CNDP1: variants seen among roughly 807,000 people sequenced by gnomAD.
The protein encoded by CNDP1 is beta-Ala-His dipeptidase.
Under a neutral mutation model 58.1 loss-of-function variants are expected in CNDP1, and 44 were observed. The ratio of observed to expected loss-of-function variants is 0.76; its 90% CI spans 0.60 to 0.97. The LOEUF (loss-of-function observed/expected upper bound fraction) is 0.97. Ranked by LOEUF, CNDP1 falls within the 50% of genes least tolerant of loss-of-function variation. The pLI is 0.00. For missense variants in CNDP1, 616 were observed against 655.1 expected, an observed-to-expected ratio of 0.94 and a Z score of 0.65; for synonymous variants, 254 against 252.6, an observed-to-expected ratio of 1.01 and a Z score of -0.05.
At chr18:74,575,893 G>A (rs1981624424) in intron 7 of CNDP1, among the ~76,000 whole-genome samples, 4 of 128,178 alleles carry the variant, frequency 3.1e-5, no homozygotes, top group South Asian at 5.2e-4. Context: ...TTTTTGAGAC[G>A]GAGTCTCGCT....
intron 9 of CNDP1, among the ~76,000 whole-genome samples, chr18:74,579,167 C>G (rs1443591337): frequency 6.9e-6 from 1 of 145,910 alleles, no homozygotes; most frequent in Non-Finnish European, 1.5e-5. Context: ...TCCTCCCTCT[C>G]TCCCTTCTCC....
intron 7 of CNDP1, 71 bp from the exon 8 acceptor site, chr18:74,576,798 G>A: frequency 6.9e-7 from 1 of 1,443,508 alleles, no homozygotes; most frequent in Non-Finnish European, 9.4e-7. Context: ...TCCTCCCACA[G>A]TCTGGCTCCA....
intron 1 of CNDP1, among the ~76,000 whole-genome samples, chr18:74,538,539 C>T (rs1329878988): frequency 6.6e-6 from 1 of 152,196 alleles, no homozygotes; most frequent in African/African-American, 2.4e-5. Flanking sequence ...TTTCATTCCT[C>T]CAGGGTGTGT....
chr18:74,550,978 C>G (rs1980890390), intron 1 of CNDP1, among the ~76,000 whole-genome samples: 2 of 152,026 alleles, frequency 1.3e-5, no homozygotes, highest in South Asian at 4.2e-4. Flanking sequence ...GGATACGTGT[C>G]CCCGCCTAAC....
In CNDP1 at chr18:74,560,886, C is replaced by G. The variant is rs1981175648; in HGVS notation, c.334C>G (p.Pro112Ala). ...CGATGGTCAGAGTCTTCCAATACCT[C>G]CCGTCATCCTGGCCGAACTGGGGAG... ...LPDGQSLPIP[P>A]VILAELGSDP... is the part of the protein sequence containing the mutation. The change falls in exon 4 of 12, where the codon CCC (proline) becomes GCC (alanine). Residue 112 changes from proline (P) to alanine (A), a missense_variant. Coordinates refer to ENST00000358821, the MANE Select transcript of CNDP1 (RefSeq NM_032649.6). 2 of 1,614,110 alleles carry G rather than the reference C, an allele frequency of 1.2e-6. No homozygotes were observed. The highest frequency in any genetic ancestry group is 1.7e-6 in the Non-Finnish European group (2 of 1,179,988).
intron 1 of CNDP1, among the ~76,000 whole-genome samples, chr18:74,547,541 C>A (rs1980793386): frequency 6.6e-6 from 1 of 152,254 alleles, no homozygotes; most frequent in Non-Finnish European, 1.5e-5. Flanking sequence ...TTTAGGGATG[C>A]CTGCTCCTTT....
intron 1 of CNDP1, among the ~76,000 whole-genome samples, chr18:74,542,118 T>C (rs1271108350): frequency 2.0e-5 from 3 of 152,190 alleles, no homozygotes; most frequent in Non-Finnish European, 1.5e-5. Flanking sequence ...ACAGTTTGCC[T>C]GGGGCGGTCT....
Position 74,584,908 on chromosome 18 carries a change from T to C in CNDP1, c.*346T>C, listed in dbSNP as rs191500538. 116 of 199,602 alleles carry C rather than the reference T, an allele frequency of 5.8e-4. No homozygotes were observed. Among genetic ancestry groups the C allele is most frequent in the African/African-American group, 2.2e-3 (98 of 43,928 alleles). 12.4% of individuals were successfully genotyped at this position (199,602 alleles called of 1,614,324 possible). ...GATTGGCATAATCACTCCAGTTTGC[T>C]TTCTAGGTCCTCAAGTGCTCGTGAC... On this transcript the variant is annotated 3_prime_UTR_variant, in exon 12 of 12. Coordinates refer to ENST00000358821, the MANE Select transcript of CNDP1 (RefSeq NM_032649.6).
chr18:74,586,460 A>G lies in CNDP1; in HGVS notation c.*1898A>G, dbSNP rs1981916558. 6.6e-6 allele frequency: 1 copy of G among 152,228 alleles called. No homozygotes were observed. Among genetic ancestry groups the G allele is most frequent in the Non-Finnish European group, 1.5e-5 (1 of 68,046 alleles). The allele number at this position is 152,228 out of a possible 1,614,324, so 9.4% of individuals were successfully genotyped here. On this transcript the variant is annotated 3_prime_UTR_variant, in exon 12 of 12. Transcript: ENST00000358821. ...AGATTTAGAGTCTTCATGTTAGTCCATTAACATAAGTTTATTATAAAATAC... is the reference window on the plus strand; with the variant it reads ...AGATTTAGAGTCTTCATGTTAGTCCGTTAACATAAGTTTATTATAAAATAC...
Position 74,584,549 on chromosome 18 carries a change from C to T in CNDP1, c.1511C>T (p.Ala504Val), listed in dbSNP as rs748932424. 4 of 1,613,098 alleles carry T rather than the reference C, an allele frequency of 2.5e-6. No homozygotes were observed. The highest frequency in any genetic ancestry group is 3.4e-6 in the Non-Finnish European group (4 of 1,179,192). Residue 504 changes from alanine to valine, a missense_variant, in exon 12 of 12, where the codon GCC becomes GTC. By Grantham distance (64) the Ala-to-Val change is moderately conservative. Coordinates refer to ENST00000358821, the MANE Select transcript of CNDP1 (RefSeq NM_032649.6). The part of the protein sequence containing the change: ...KLFAAFFLEM[A>V]QLH ...TTTGCTGCCTTTTTCTTAGAGATGGCCCAGCTCCATTAATCACAAGAACCT... is the reference window on the plus strand; with the variant it reads ...TTTGCTGCCTTTTTCTTAGAGATGGTCCAGCTCCATTAATCACAAGAACCT...
At position 74,586,061 on chromosome 18, in the gene CNDP1, G is replaced by A. The variant is rs1351638373; in HGVS notation, c.*1499G>A. On this transcript the variant is annotated 3_prime_UTR_variant, in exon 12 of 12. Coordinates refer to ENST00000358821, the MANE Select transcript of CNDP1 (RefSeq NM_032649.6). ...TTCAACTTTTTTCCATCACTCTGTT[G>A]GTTCTTGAGATGTCAGTGTCAGTTT... 6.6e-6 allele frequency: 1 copy of A among 151,014 alleles called. No individual in the cohort carries two copies. Among genetic ancestry groups the A allele is most frequent in the East Asian group, 1.9e-4 (1 of 5,162 alleles). 9.4% of individuals were successfully genotyped at this position (151,014 alleles called of 1,614,324 possible). A position where few individuals can be genotyped will look rare whatever the true frequency, so the allele number is the denominator to read the frequency against.
chr18:74,580,082 G>A lies in CNDP1; in HGVS notation c.1168-48G>A, dbSNP rs973239103. Reference sequence around the variant, plus strand: ...ATGGAAGACTATATTAACTGTATGAGAGAATAACTTGACACTTTCTCTTAT... The same window carrying A: ...ATGGAAGACTATATTAACTGTATGAAAGAATAACTTGACACTTTCTCTTAT... On this transcript the variant is annotated intron_variant, in intron 9 of 11. Coordinates refer to ENST00000358821, the MANE Select transcript of CNDP1 (RefSeq NM_032649.6). 3.9e-6 allele frequency: 6 copies of A among 1,548,382 alleles called. No homozygotes were observed. In the African/African-American group the frequency reaches 8.1e-5, roughly 21 times the overall value.
intron 11 of CNDP1, 105 bp downstream of exon 11, chr18:74,583,813 T>C (rs1981848553): frequency 4.4e-6 from 5 of 1,142,956 alleles, no homozygotes. Context: ...GAATGGAAAA[T>C]CGTCCAGACT....
At chr18:74,567,961 A>T (rs1295454983) in intron 6 of CNDP1, among the ~76,000 whole-genome samples, 2 of 152,260 alleles carry the variant, frequency 1.3e-5, no homozygotes, top group East Asian at 3.9e-4. Flanking sequence ...TTGGTTTCCC[A>T]CCTTGAAAGA....
chr18:74,564,135 G>A (rs527406901), intron 5 of CNDP1, among the ~76,000 whole-genome samples: 9 of 152,112 alleles, frequency 5.9e-5, no homozygotes, highest in South Asian at 2.1e-4. Context: ...ACATAATCCC[G>A]TGCTCATGTT....
rs1981929746 is a variant in CNDP1, at chr18:74,587,008, T to G, written c.*2446T>G. 6.6e-6 allele frequency: 1 copy of G among 152,202 alleles called. No homozygotes were observed. The highest frequency in any genetic ancestry group is 1.5e-5 in the Non-Finnish European group (1 of 68,032). 9.4% of individuals were successfully genotyped at this position (152,202 alleles called of 1,614,324 possible). ...TTGGGCGTACATTGTGGCATGCCCA[T>G]CAGGGGGACTTTGTTGTATTGGAGG... On this transcript the variant is annotated 3_prime_UTR_variant, in exon 12 of 12. Transcript: ENST00000358821.
chr18:74,539,467 G>A (rs34874693), intron 1 of CNDP1, among the ~76,000 whole-genome samples: 2,783 of 152,308 alleles, frequency 0.018, 36 homozygotes, highest in Non-Finnish European at 0.03. Flanking sequence ...AGCAAATGCC[G>A]GAGGGAGCTA....
chr18:74,565,546 A>G (rs1281151075), intron 5 of CNDP1, among the ~76,000 whole-genome samples: 1 of 152,218 alleles, frequency 6.6e-6, no homozygotes, highest in Non-Finnish European at 1.5e-5. Flanking sequence ...AAGGGGTTAC[A>G]GTGTCCATGC....
chr18:74,557,998 C>T (rs1297846660), intron 2 of CNDP1, among the ~76,000 whole-genome samples: 1 of 152,168 alleles, frequency 6.6e-6, no homozygotes, highest in Non-Finnish European at 1.5e-5. Flanking sequence ...TTCCTAAGTC[C>T]CTCAAACATA....
Sources: allele counts gnomAD v4.1 joint callset (sites outside exome capture counted in the v4.1 genomes callset), GRCh38; gene constraint gnomAD v4.1.1; transcripts MANE v1.5; gene names NCBI Gene and HGNC (gene_info 2026-07-23, HGNC 2026-07-21).